The following ANOS1 variants were observed in gnomAD, a reference collection of about 807,000 sequenced individuals.
ANOS1 encodes anosmin-1.
In ANOS1, 6 loss-of-function variants were observed where a neutral mutation model predicts 59.0. That is an observed-to-expected ratio of 0.10 (90% CI 0.06 to 0.20). ANOS1 has a LOEUF of 0.20. Among genes scored for constraint, ANOS1 ranks in the 10% least tolerant of loss-of-function variants. ANOS1 has a pLI of 1.00. For synonymous variants in ANOS1, 217 were observed against 223.4 expected, an observed-to-expected ratio of 0.97 and a Z score of 0.25; for missense variants, 433 against 542.3, an observed-to-expected ratio of 0.80 and a Z score of 2.00.
At chrX:8,551,757 G>A (rs1239587500) in intron 9 of ANOS1, among the ~76,000 whole-genome samples, 1 of 112,154 alleles carries the variant, frequency 8.9e-6, no homozygotes, top group Non-Finnish European at 1.9e-5. Context: ...CAGATCACTT[G>A]AGATCAGGAG....
chrX:8,623,509 A>G, intron 3 of ANOS1, 99 bp downstream of exon 3: 2 of 619,419 alleles, frequency 3.2e-6, no homozygotes, highest in East Asian at 3.4e-5. Context: ...GATCTCCCCA[A>G]GCTGCAGAAG....
At chrX:8,686,949 G>A (rs749244296) in intron 2 of ANOS1, among the ~76,000 whole-genome samples, 82 of 110,805 alleles carry the variant, frequency 7.4e-4, no homozygotes, top group African/African-American at 2.4e-3. Flanking sequence ...GCCAGACTTC[G>A]TCTCAAAAAA....
At position 8,536,929 on chromosome X, in the gene ANOS1, A is replaced by G; in HGVS notation, c.1463T>C (p.Ile488Thr). The G allele has an allele frequency of 8.3e-7, 1 of 1,205,568 alleles. No individual in the cohort carries two copies. The highest frequency in any genetic ancestry group is 2.2e-5 in the Admixed American group (1 of 45,987). ...SSGMTHENYI[I>T]LQDLSFSCKY... The stretch of plus-strand genomic sequence containing the variant: ...GCAGGAAAATGACAGATCTTGAAGA[A>G]TTATGTAATTTTCCTAGAGCAAGAG... Residue 488 changes from isoleucine to threonine, a missense_variant, in exon 11 of 14, where the codon ATT becomes ACT. Coordinates refer to ENST00000262648, the MANE Select transcript of ANOS1 (RefSeq NM_000216.4).
At chrX:8,553,115 G>C (rs1318450101) in intron 9 of ANOS1, among the ~76,000 whole-genome samples, 1 of 109,081 alleles carries the variant, frequency 9.2e-6, no homozygotes, top group African/African-American at 3.3e-5. Context: ...ATGTTTTTAA[G>C]AGGCATAAGA....
chrX:8,591,743 C>G (rs1213958811), intron 4 of ANOS1, among the ~76,000 whole-genome samples: 5 of 112,324 alleles, frequency 4.5e-5, no homozygotes, highest in Non-Finnish European at 9.4e-5. Context: ...GGGGCTCAAC[C>G]CCCCTCAAGA....
At chrX:8,544,719 C>A (rs897937329) in intron 9 of ANOS1, among the ~76,000 whole-genome samples, 2 of 109,334 alleles carry the variant, frequency 1.8e-5, no homozygotes, top group African/African-American at 6.7e-5. Context: ...AGTTTGAGAC[C>A]ATCCTGGGCA....
At chrX:8,562,027 G>A (rs1188654896) in intron 8 of ANOS1, among the ~76,000 whole-genome samples, 2 of 109,904 alleles carry the variant, frequency 1.8e-5, no homozygotes, top group Non-Finnish European at 3.8e-5. Flanking sequence ...TGCAACCTCC[G>A]CCTCCCGGGT....
At chrX:8,584,448 T>TAAA (rs1434478205) in intron 6 of ANOS1, among the ~76,000 whole-genome samples, 1 of 112,003 alleles carries the variant, frequency 8.9e-6, no homozygotes, top group Non-Finnish European at 1.9e-5. Context: ...AAGAGGCTTT[T>TAAA]AAATGTAAGG....
At chrX:8,670,075 G>A (rs945524966) in intron 2 of ANOS1, among the ~76,000 whole-genome samples, 1 of 110,368 alleles carries the variant, frequency 9.1e-6, no homozygotes, top group African/African-American at 3.3e-5. Flanking sequence ...CCCACAAAAT[G>A]TGTTGGAACT....
intron 6 of ANOS1, among the ~76,000 whole-genome samples, chrX:8,572,899 T>C (rs1490633676): frequency 1.4e-4 from 15 of 110,545 alleles, no homozygotes; most frequent in Non-Finnish European, 2.3e-4. Flanking sequence ...GGAAATGTAT[T>C]TTTCCTGTCG....
chrX:8,663,780 T>C (rs1932081097), intron 2 of ANOS1, among the ~76,000 whole-genome samples: 1 of 112,158 alleles, frequency 8.9e-6, no homozygotes, highest in African/African-American at 3.2e-5. Flanking sequence ...CCACCTTTTC[T>C]AATAAAATTA....
chrX:8,651,893 C>T (rs1185503733), intron 2 of ANOS1, among the ~76,000 whole-genome samples: 1 of 111,905 alleles, frequency 8.9e-6, no homozygotes, highest in African/African-American at 3.2e-5. Context: ...ACAAGGAAGT[C>T]GTTGGCACTG....
intron 3 of ANOS1, among the ~76,000 whole-genome samples, chrX:8,599,607 C>T (rs1157596857): frequency 1.8e-5 from 2 of 111,776 alleles, no homozygotes; most frequent in African/African-American, 3.3e-5. Flanking sequence ...CTGGTAAGAC[C>T]AGCTCATGTG....
At chrX:8,647,544 A>G (rs1425672437) in intron 2 of ANOS1, among the ~76,000 whole-genome samples, 2 of 112,157 alleles carry the variant, frequency 1.8e-5, no homozygotes, top group African/African-American at 3.2e-5. Context: ...AGCAAGTCGC[A>G]CTAACACTTG....
At chrX:8,689,361 C>T (rs1038598194) in intron 2 of ANOS1, among the ~76,000 whole-genome samples, 3 of 110,043 alleles carry the variant, frequency 2.7e-5, no homozygotes, top group Non-Finnish European at 3.8e-5. Context: ...TCATGCCACA[C>T]GTCCAGCCCT....
At chrX:8,539,563 T>A in intron 10 of ANOS1, 101 bp downstream of exon 10, 1 of 1,161,638 alleles carries the variant, frequency 8.6e-7, no homozygotes, top group Non-Finnish European at 1.2e-6. Context: ...ACTCCATAGC[T>A]GATTTGTGGG....
chrX:8,712,232 T>A (rs1932816678), intron 1 of ANOS1, among the ~76,000 whole-genome samples: 2 of 112,209 alleles, frequency 1.8e-5, no homozygotes, highest in African/African-American at 3.2e-5. Flanking sequence ...AACCTTCACA[T>A]CCGTGTCCTC....
At position 8,569,527 on chromosome X, in the gene ANOS1, A is replaced by G. The variant is rs1261963327; in HGVS notation, c.1062+972T>C. Reference sequence around the variant, plus strand: ...TGTGGTGGCGGGCGCCTGTAGTCCCAGCTACTCGGGAGGCTGAGGCAGGAG... The same window carrying G: ...TGTGGTGGCGGGCGCCTGTAGTCCCGGCTACTCGGGAGGCTGAGGCAGGAG... On this transcript the variant is annotated intron_variant, in intron 7 of 13. Coordinates refer to ENST00000262648, the MANE Select transcript of ANOS1 (RefSeq NM_000216.4). Among the ~76,000 whole-genome samples the G allele has an allele frequency of 2.7e-5, 3 of 111,645 alleles. No homozygotes were observed. In the East Asian group the frequency reaches 8.5e-4, roughly 32 times the overall value.
rs1929502865 is a variant in ANOS1 at position 8,531,819 on chromosome X, ATTAAAC to A, written c.*1170_*1175del. On this transcript the variant is annotated 3_prime_UTR_variant, in exon 14 of 14. Coordinates refer to ENST00000262648, the MANE Select transcript of ANOS1 (RefSeq NM_000216.4). ...CCTTCAAGAAAAAAAACAGTATTAA[ATTAAAC>A]TTCTCTGCGTTTTAGGTTGTTACAA... The A allele has an allele frequency of 9.0e-6, 1 of 111,629 alleles. No individual in the cohort carries two copies. Among genetic ancestry groups the A allele is most frequent in the Admixed American group, 9.6e-5 (1 of 10,454 alleles). The allele number at this position is 111,629 out of a possible 1,213,427, so 9.2% of individuals were successfully genotyped here. A position where few individuals can be genotyped will look rare whatever the true frequency, so the allele number is the denominator to read the frequency against.
Sources: allele counts gnomAD v4.1 joint callset (sites outside exome capture counted in the v4.1 genomes callset), GRCh38; gene constraint gnomAD v4.1.1; transcripts MANE v1.5; gene names NCBI Gene and HGNC (gene_info 2026-07-23, HGNC 2026-07-21).